Variants in CHST1 observed in about 807,000 individuals in gnomAD.
CHST1 encodes the protein carbohydrate sulfotransferase 1.
Under a neutral mutation model 22.5 loss-of-function variants are expected in CHST1, and 10 were observed. That is an observed-to-expected ratio of 0.44 (90% CI 0.27 to 0.75). The LOEUF (loss-of-function observed/expected upper bound fraction) is 0.75. Among genes scored for constraint, CHST1 ranks in the 30% least tolerant of loss-of-function variants. The probability of loss-of-function intolerance (pLI) is 0.15; values close to 1 mark genes in which losing one functional copy is unlikely to be tolerated. For missense variants in CHST1, 439 were observed against 576.1 expected (o/e 0.76, Z 2.44); for synonymous variants, 267 against 264.5 (o/e 1.01, Z -0.09).
In CHST1 at chr11:45,649,676, G is replaced by C. The variant is rs777085337; in HGVS notation, c.*12C>G. ...CACCTTGCGCCTCCCGCCCCCACCC[G>C]CACCGCCCGGGTCACGAGAAGGGGC... On this transcript the variant is annotated 3_prime_UTR_variant, in exon 4 of 4. Transcript: ENST00000308064. 1.9e-6 allele frequency: 3 copies of C among 1,538,874 alleles called. No homozygotes were observed. Among genetic ancestry groups the C allele is most frequent in the South Asian group, 1.2e-5 (1 of 81,040 alleles).
chr11:45,661,330 T>C (rs979898527), intron 1 of CHST1, among the ~76,000 whole-genome samples: 8 of 152,224 alleles, frequency 5.3e-5, no homozygotes, highest in African/African-American at 1.4e-4. Flanking sequence ...TCAGATCTTA[T>C]CTAACATCTT....
intron 1 of CHST1, among the ~76,000 whole-genome samples, chr11:45,655,223 G>T (rs969094218): frequency 3.9e-5 from 6 of 152,206 alleles, no homozygotes; most frequent in Non-Finnish European, 8.8e-5. Context: ...TGAGTACAGT[G>T]CCTGGTGCAG....
At chr11:45,652,864 G>T (rs902968453) in intron 1 of CHST1, among the ~76,000 whole-genome samples, 1 of 152,048 alleles carries the variant, frequency 6.6e-6, no homozygotes, top group African/African-American at 2.4e-5. Flanking sequence ...ACCCCCATCT[G>T]GTAGGTTCCC....
chr11:45,649,820 G>A lies in CHST1; in HGVS notation c.1104C>T (p.Ile368=), dbSNP rs759194778. Residue 368 remains isoleucine, a synonymous_variant, in exon 4 of 4, where the codon ATC becomes ATT. Transcript: ENST00000308064. ...GGCAGGCGTTCTGGGCAAAGGCCAC[G>A]ATGTCGTAGGAGAGGCGGAAGCGCC... ...EKWRFRLSYD[I]VAFAQNACQQ... 1 of 1,611,734 alleles carries A rather than the reference G, an allele frequency of 6.2e-7. No individual in the cohort carries two copies. Among genetic ancestry groups the A allele is most frequent in the Non-Finnish European group, 8.5e-7 (1 of 1,179,928 alleles).
Position 45,651,063 on chromosome 11 carries a change from C to T in CHST1, c.-42-98G>A, listed in dbSNP as rs1002075371. On this transcript the variant is annotated intron_variant, in intron 3 of 3. Transcript: ENST00000308064. Reference sequence around the variant, plus strand: ...TCTCCAAGGGGCCCAGGGAAAGGCCCGGCTCCTGTCCAGTGCTCACCACAC... The same window carrying T: ...TCTCCAAGGGGCCCAGGGAAAGGCCTGGCTCCTGTCCAGTGCTCACCACAC... 1.0e-4 allele frequency: 90 copies of T among 871,238 alleles called. No homozygotes were observed. The African/African-American group carries it at 1.3e-3, about 13-fold the overall frequency. The allele number at this position is 871,238 out of a possible 1,614,324, so 54.0% of individuals were successfully genotyped here.
chr11:45,664,823 G>C (rs1052459848), intron 1 of CHST1, among the ~76,000 whole-genome samples: 3 of 152,208 alleles, frequency 2.0e-5, no homozygotes, highest in African/African-American at 7.2e-5. Context: ...CGCCTCCGCA[G>C]ACCCGAGCCA....
At chr11:45,657,151 G>A (rs910500390) in intron 1 of CHST1, among the ~76,000 whole-genome samples, 20 of 152,244 alleles carry the variant, frequency 1.3e-4, no homozygotes, top group South Asian at 4.1e-4. Flanking sequence ...AGGAGCTGGC[G>A]AACAGGCCTC....
At chr11:45,657,764 A>G (rs1852080632) in intron 1 of CHST1, among the ~76,000 whole-genome samples, 2 of 152,332 alleles carry the variant, frequency 1.3e-5, no homozygotes, top group Admixed American at 6.5e-5. Flanking sequence ...CTTTGGGGTC[A>G]TGCCCACCTC....
chr11:45,653,655 C>T (rs527933988), intron 1 of CHST1, among the ~76,000 whole-genome samples: 1 of 152,330 alleles, frequency 6.6e-6, no homozygotes, highest in South Asian at 2.1e-4. Flanking sequence ...ATTTAGGAGT[C>T]TGTTCTTTGG....
chr11:45,649,564 T>TG lies in CHST1; in HGVS notation c.*123dup. The TG allele has an allele frequency of 9.8e-7, 1 of 1,018,372 alleles. No individual in the cohort carries two copies. The highest frequency in any genetic ancestry group is 1.4e-6 in the Non-Finnish European group (1 of 697,962). The allele number at this position is 1,018,372 out of a possible 1,614,324, so 63.1% of individuals were successfully genotyped here. ...AGGGGCAGAAGGGAGTGGGGTGAGC[T>TG]GGGGGCAGGAAGGACACGAAGATGA... On this transcript the variant is annotated 3_prime_UTR_variant, in exon 4 of 4. Transcript: ENST00000308064.
intron 1 of CHST1, among the ~76,000 whole-genome samples, chr11:45,662,673 G>A (rs1852149671): frequency 6.6e-6 from 1 of 152,156 alleles, no homozygotes; most frequent in Non-Finnish European, 1.5e-5. Context: ...ATATATTACT[G>A]CATTTGACCT....
intron 1 of CHST1, among the ~76,000 whole-genome samples, chr11:45,662,348 A>G (rs1852145247): frequency 6.6e-6 from 1 of 152,214 alleles, no homozygotes. Context: ...ATTTACTCCC[A>G]CAAGGCTCCT....
chr11:45,648,527 C>CAAAA lies in CHST1; in HGVS notation c.*1157_*1160dup, dbSNP rs4148906. ...GTGAAACCCCGTCTCTACTAAAATC[C>CAAAA]AAAAAAAAAAAAAAATAGCCAGGTG... On this transcript the variant is annotated 3_prime_UTR_variant, in exon 4 of 4. Coordinates refer to ENST00000308064, the MANE Select transcript of CHST1 (RefSeq NM_003654.6). Among the ~76,000 whole-genome samples, 18 of 128,784 alleles carry CAAAA rather than the reference C, an allele frequency of 1.4e-4. No individual in the cohort carries two copies. Among genetic ancestry groups the CAAAA allele is most frequent in the African/African-American group, 5.0e-4 (17 of 34,264 alleles). 84.5% of individuals were successfully genotyped at this position (128,784 alleles called of 152,430 possible). A position where few individuals can be genotyped will look rare whatever the true frequency, so the allele number is the denominator to read the frequency against.
chr11:45,659,266 G>A (rs780839400), intron 1 of CHST1, among the ~76,000 whole-genome samples: 7 of 152,078 alleles, frequency 4.6e-5, no homozygotes, highest in East Asian at 1.9e-4. Context: ...ATTCAGACTC[G>A]GCTCTAAAGA....
intron 1 of CHST1, among the ~76,000 whole-genome samples, chr11:45,656,415 T>A (rs1852063192): frequency 6.6e-6 from 1 of 152,172 alleles, no homozygotes; most frequent in Admixed American, 6.5e-5. Context: ...CCAGAAAACA[T>A]GTGTGTAATA....
At chr11:45,652,132 G>A (rs1852006391) in intron 2 of CHST1, 42 bp from the exon 3 acceptor site, 3 of 152,398 alleles carry the variant, frequency 2.0e-5, no homozygotes, top group African/African-American at 7.2e-5. Flanking sequence ...AGGTGGAGCT[G>A]GGGTCTCAGT....
chr11:45,662,466 G>T (rs549337472), intron 1 of CHST1, among the ~76,000 whole-genome samples: 4 of 152,308 alleles, frequency 2.6e-5, no homozygotes, highest in South Asian at 4.1e-4. Flanking sequence ...GCTTCCCAGC[G>T]GGGGGTGTGC....
chr11:45,650,615 G>A lies in CHST1; in HGVS notation c.309C>T (p.Arg103=). The part of the protein sequence containing the change: ...LYHVQNTLIP[R]FTQGKSPADR... Reference sequence around the variant, plus strand: ...CGGCCGGGCTCTTGCCCTGGGTGAAGCGGGGGATGAGCGTGTTCTGGACGT... The same window carrying A: ...CGGCCGGGCTCTTGCCCTGGGTGAAACGGGGGATGAGCGTGTTCTGGACGT... Residue 103 remains arginine, a synonymous_variant, in exon 4 of 4, where the codon CGC becomes CGT. Transcript: ENST00000308064. The A allele has an allele frequency of 1.2e-6, 2 of 1,614,098 alleles. No individual in the cohort carries two copies. Among genetic ancestry groups the A allele is most frequent in the Non-Finnish European group, 1.7e-6 (2 of 1,179,988 alleles).
Position 45,649,666 on chromosome 11 carries a change from G to GC in CHST1, c.*21dup. ...TCAAAACCGACACCTTGCGCCTCCC[G>GC]CCCCCACCCGCACCGCCCGGGTCAC... On this transcript the variant is annotated 3_prime_UTR_variant, in exon 4 of 4. Transcript: ENST00000308064. The GC allele has an allele frequency of 1.3e-6, 2 of 1,521,040 alleles. No individual in the cohort carries two copies. Among genetic ancestry groups the GC allele is most frequent in the Non-Finnish European group, 1.8e-6 (2 of 1,142,154 alleles). 94.2% of individuals were successfully genotyped at this position (1,521,040 alleles called of 1,614,324 possible).
Sources: allele counts gnomAD v4.1 joint callset (sites outside exome capture counted in the v4.1 genomes callset), GRCh38; gene constraint gnomAD v4.1.1; transcripts MANE v1.5; gene names NCBI Gene and HGNC (gene_info 2026-07-23, HGNC 2026-07-21).